Variants in STAG2 observed in about 807,000 individuals in gnomAD.
The protein encoded by STAG2 is cohesin subunit SA-2.
Under a neutral mutation model 108.1 loss-of-function variants are expected in STAG2, and 14 were observed. That is an observed-to-expected ratio of 0.13 (90% confidence interval 0.09 to 0.20). The LOEUF (loss-of-function observed/expected upper bound fraction) is 0.20. Among genes scored for constraint, STAG2 ranks in the 10% least tolerant of loss-of-function variants. The pLI is 1.00. For synonymous variants in STAG2, 307 were observed against 302.7 expected, an observed-to-expected ratio of 1.01 and a Z score of -0.15; for missense variants, 440 against 940.9, an observed-to-expected ratio of 0.47 and a Z score of 6.96.
At chrX:124,073,567 G>A (rs931377974) in intron 25 of STAG2, among the ~76,000 whole-genome samples, 3 of 111,263 alleles carry the variant, frequency 2.7e-5, no homozygotes, top group Non-Finnish European at 5.7e-5. Context: ...GGACTCAAGC[G>A]TGTGCCACTC....
chrX:124,087,772 C>CA (rs1569520881), intron 30 of STAG2, among the ~76,000 whole-genome samples: 1 of 112,470 alleles, frequency 8.9e-6, no homozygotes, highest in Non-Finnish European at 1.9e-5. Context: ...TGAGGAACGT[C>CA]AAAGAATTTT....
At chrX:124,034,626 A>T (rs1441410305) in intron 5 of STAG2, among the ~76,000 whole-genome samples, 4 of 110,786 alleles carry the variant, frequency 3.6e-5, no homozygotes, top group African/African-American at 1.3e-4. Context: ...CAATAGTTTT[A>T]TTTTACTCCC....
chrX:124,024,711 A>G (rs1401925280), intron 3 of STAG2, among the ~76,000 whole-genome samples: 1 of 111,996 alleles, frequency 8.9e-6, no homozygotes, highest in African/African-American at 3.2e-5. Context: ...CCTCTGGGCA[A>G]CTGGTTATTG....
chrX:123,985,737 AT>A (rs747850533), intron 1 of STAG2, among the ~76,000 whole-genome samples: 137 of 101,318 alleles, frequency 1.4e-3, no homozygotes, highest in Admixed American at 1.5e-3. Context: ...TACCAGGCTA[AT>A]TTTTTTTTTT....
intron 7 of STAG2, among the ~76,000 whole-genome samples, chrX:124,043,755 T>C (rs1203195092): frequency 9.0e-6 from 1 of 111,656 alleles, no homozygotes; most frequent in African/African-American, 3.3e-5. Context: ...CAACAAAGAT[T>C]ACATATTAGT....
intron 8 of STAG2, among the ~76,000 whole-genome samples, chrX:124,046,516 C>G (rs1006000123): frequency 8.9e-6 from 1 of 111,878 alleles, no homozygotes; most frequent in African/African-American, 3.2e-5. Context: ...GGAAATCTTT[C>G]TTTAAGAGAG....
intron 17 of STAG2, among the ~76,000 whole-genome samples, chrX:124,062,104 T>C (rs1177919922): frequency 9.0e-6 from 1 of 111,599 alleles, no homozygotes; most frequent in East Asian, 2.8e-4. Context: ...GTCCCTGCCT[T>C]CATGACTGAA....
intron 1 of STAG2, among the ~76,000 whole-genome samples, chrX:124,018,357 G>A (rs2056801328): frequency 8.9e-6 from 1 of 111,978 alleles, no homozygotes; most frequent in Non-Finnish European, 1.9e-5. Context: ...TGTTTTTATA[G>A]TTTTGGGTTA....
At chrX:124,038,310 C>T (rs1214626603) in intron 6 of STAG2, among the ~76,000 whole-genome samples, 2 of 110,256 alleles carry the variant, frequency 1.8e-5, no homozygotes, top group African/African-American at 3.3e-5. Flanking sequence ...GTCAAGATTA[C>T]GGGCAGGTTC....
Position 124,051,335 on chromosome X carries a change from C to G in STAG2, c.1137C>G (p.Thr379=). Residue 379 remains threonine (T), a synonymous_variant, in exon 13 of 35, where the codon ACC becomes ACG. Coordinates refer to ENST00000371145, the MANE Select transcript of STAG2 (RefSeq NM_001042750.2). Reference sequence around the variant, plus strand: ...CTTAGGATAGAATTGTGTCTATGACCCTTGACAAAGAATATGATGTTGCAG... The same window carrying G: ...CTTAGGATAGAATTGTGTCTATGACGCTTGACAAAGAATATGATGTTGCAG... ...SRFKDRIVSM[T]LDKEYDVAVQ... 8.3e-7 allele frequency: 1 copy of G among 1,199,272 alleles called. No individual in the cohort carries two copies. The highest frequency in any genetic ancestry group is 1.8e-5 in the African/African-American group (1 of 57,053).
chrX:123,995,099 G>A (rs1214868057), intron 1 of STAG2, among the ~76,000 whole-genome samples: 5 of 111,791 alleles, frequency 4.5e-5, no homozygotes, highest in African/African-American at 9.8e-5. Flanking sequence ...CCGGTAGGTC[G>A]TGCATCAAAG....
chrX:124,045,394 A>G, intron 8 of STAG2, 26 bp downstream of exon 8: 1 of 1,113,108 alleles, frequency 9.0e-7, no homozygotes, highest in Non-Finnish European at 1.2e-6. Flanking sequence ...TATTTTCTGC[A>G]TATTGTCTTA....
chrX:124,071,355 G>T, intron 25 of STAG2, 32 bp downstream of exon 25: 1 of 1,077,950 alleles, frequency 9.3e-7, no homozygotes, highest in Non-Finnish European at 1.2e-6. Context: ...TATTAAATCT[G>T]TGTCCACCAT....
intron 4 of STAG2, among the ~76,000 whole-genome samples, chrX:124,026,917 C>T (rs1602916585): frequency 9.1e-6 from 1 of 110,442 alleles, no homozygotes; most frequent in African/African-American, 3.3e-5. Flanking sequence ...GAGATGGGGT[C>T]TCTCTATGTT....
chrX:124,098,239 T>C (rs1283470802), intron 34 of STAG2, among the ~76,000 whole-genome samples: 3 of 111,198 alleles, frequency 2.7e-5, no homozygotes, highest in African/African-American at 9.8e-5. Context: ...CTACAAAAAT[T>C]AGGAAAATTA....
chrX:124,032,411 T>A (rs1426761458), intron 5 of STAG2, among the ~76,000 whole-genome samples: 2 of 111,914 alleles, frequency 1.8e-5, no homozygotes, highest in Non-Finnish European at 3.8e-5. Context: ...ATAAATACAA[T>A]ACTCAAGGAG....
chrX:123,963,562 A>T (rs994415889), intron 1 of STAG2, among the ~76,000 whole-genome samples: 3 of 110,467 alleles, frequency 2.7e-5, no homozygotes, highest in Admixed American at 1.9e-4. Context: ...AGTGTTCAGC[A>T]GTTTTTCAAG....
intron 29 of STAG2, among the ~76,000 whole-genome samples, chrX:124,085,463 T>C (rs1397132434): frequency 9.0e-6 from 1 of 111,192 alleles, no homozygotes; most frequent in Non-Finnish European, 1.9e-5. Context: ...ACTGTACTAC[T>C]ATATATGACT....
chrX:124,097,080 G>A (rs1177443386), intron 34 of STAG2, among the ~76,000 whole-genome samples: 2 of 107,111 alleles, frequency 1.9e-5, no homozygotes, highest in African/African-American at 3.4e-5. Flanking sequence ...TCAGGAGGGC[G>A]AGGTGGGAGG....
Sources: gnomAD v4.1 joint callset for allele counts (sites outside exome capture counted in the v4.1 genomes callset) on GRCh38, gnomAD v4.1.1 for gene constraint, MANE v1.5 for transcripts, NCBI Gene and HGNC (gene_info 2026-07-23, HGNC 2026-07-21) for gene names.